The following TMEM237 variants were observed in gnomAD, a reference collection of about 807,000 sequenced individuals.
The protein encoded by TMEM237 is amyotrophic lateral sclerosis 2 (juvenile) chromosome region, candidate 4.
In TMEM237, 51 loss-of-function variants were observed where a neutral mutation model predicts 59.1. The observed-to-expected ratio is 0.86, with a 90% CI of 0.69 to 1.09. The LOEUF (loss-of-function observed/expected upper bound fraction) is 1.09, where lower values mean the gene tolerates loss of function less well. Ranked by LOEUF, TMEM237 falls within the 50% of genes least tolerant of loss-of-function variation. The probability of loss-of-function intolerance (pLI) is 0.00; values close to 1 mark genes in which losing one functional copy is unlikely to be tolerated. For synonymous variants in TMEM237, 140 were observed against 166.1 expected (o/e 0.84, Z 1.21); for missense variants, 475 against 478.3 (o/e 0.99, Z 0.06).
intron 5 of TMEM237, among the ~76,000 whole-genome samples, chr2:201,633,634 T>C (rs1293681254): frequency 6.6e-6 from 1 of 152,106 alleles, no homozygotes; most frequent in Non-Finnish European, 1.5e-5. Context: ...CCAAACAATA[T>C]GGAAAAAAAT....
intron 4 of TMEM237, chr2:201,638,756 G>A (rs537577878): frequency 5.0e-5 from 27 of 539,158 alleles, no homozygotes; most frequent in Middle Eastern, 4.7e-4. Context: ...TAGGAGCTTA[G>A]ATGGCACCAC....
chr2:201,635,393 T>C lies in TMEM237; in HGVS notation c.274+1355A>G, dbSNP rs146044322. On this transcript the variant is annotated intron_variant, in intron 5 of 12. Coordinates refer to ENST00000409883, the MANE Select transcript of TMEM237 (RefSeq NM_001044385.3). The surrounding 1 kb of genome is among the most constrained non-coding windows in gnomAD (Gnocchi z 4.5). ...GGACACAGACACACAAGGAAAAATG[T>C]GAAGATGGAAGCAGAGATTGGCATT... Among the ~76,000 whole-genome samples the C allele has an allele frequency of 7.8e-3, 1,194 of 152,206 alleles. 6 individuals are homozygous for C. The highest frequency in any genetic ancestry group is 0.024 in the Middle Eastern group (7 of 294).
intron 5 of TMEM237, 69 bp from the exon 6 acceptor site, chr2:201,633,500 G>A (rs1687224708): frequency 1.6e-6 from 2 of 1,215,744 alleles, no homozygotes; most frequent in Non-Finnish European, 2.1e-6. Flanking sequence ...TACAAGACTT[G>A]TATAAGAGAA....
At chr2:201,629,124 A>T in intron 9 of TMEM237, 106 bp downstream of exon 9, 2 of 898,390 alleles carry the variant, frequency 2.2e-6, no homozygotes, top group Admixed American at 7.5e-5. Context: ...TTGAAGTAAC[A>T]TTGATACTCT....
intron 5 of TMEM237, chr2:201,636,161 CGCT>C (rs1559588889): frequency 6.6e-6 from 1 of 152,224 alleles, no homozygotes; most frequent in African/African-American, 2.4e-5. Flanking sequence ...TTATAAATAA[CGCT>C]GCAGTTAACA....
chr2:201,621,395 A>G lies in TMEM237; in HGVS notation c.*2860T>C, dbSNP rs987971336. ...CCTGGGCATTTATCTTAAAGAAATG[A>G]AAACTTAATGTTCACACAAAAACTT... is the stretch of plus-strand genomic sequence containing the variant. On this transcript the variant is annotated 3_prime_UTR_variant, in exon 13 of 13. Coordinates refer to ENST00000409883, the MANE Select transcript of TMEM237 (RefSeq NM_001044385.3). 6.6e-6 allele frequency: 1 copy of G among 152,254 alleles called. No homozygotes were observed. The highest frequency in any genetic ancestry group is 2.4e-5 in the African/African-American group (1 of 41,468). The allele number at this position is 152,254 out of a possible 1,614,324, so 9.4% of individuals were successfully genotyped here.
At position 201,629,864 on chromosome 2, in the gene TMEM237, T is replaced by C. The variant is rs1371878075; in HGVS notation, c.554-12A>G. ...AGCCTGGAATCTCCCTAAGAACACA[T>C]AACGTAATTACTAACAACTAGCGAG... On this transcript the variant is annotated splice_polypyrimidine_tract_variant and intron_variant, in intron 7 of 12. Transcript: ENST00000409883. 1.9e-6 allele frequency: 3 copies of C among 1,606,790 alleles called. No homozygotes were observed.
In TMEM237 at chr2:201,638,227, G is replaced by A. The variant is rs1010973620; in HGVS notation, c.136+762C>T. On this transcript the variant is annotated intron_variant, in intron 4 of 12. Transcript: ENST00000409883. ...ATGTATTAAGAAACAAAGATAGTAT[G>A]TATGATTCCTTTTATGTTTTTGTTG... Among the ~76,000 whole-genome samples, 6 of 152,318 alleles carry A rather than the reference G, an allele frequency of 3.9e-5. No individual in the cohort carries two copies. The South Asian group carries it at 1.2e-3, about 32-fold the overall frequency.
At chr2:201,637,901 ATT>A in intron 4 of TMEM237, among the ~76,000 whole-genome samples, 1 of 152,216 alleles carries the variant, frequency 6.6e-6, no homozygotes, top group Non-Finnish European at 1.5e-5. Flanking sequence ...GTTGTTAAGG[ATT>A]TAGAGAATGA....
intron 12 of TMEM237, 27 bp downstream of exon 12, chr2:201,625,999 T>C (rs755985117): frequency 4.5e-6 from 7 of 1,552,568 alleles, no homozygotes; most frequent in Non-Finnish European, 6.1e-6. Context: ...TTCAGGATAT[T>C]CTTATGCTAT....
In TMEM237 at chr2:201,636,769, T is replaced by C. The variant is rs1251099126; in HGVS notation, c.253A>G (p.Lys85Glu). ...HPEAPVQRRQ[K>E]KTRLPLELET... The stretch of plus-strand genomic sequence containing the variant: ...ATACCAAGAGGTAGCCTTGTCTTTT[T>C]CTGTCTTCTTTGAACAGGAGCCTCT... The change falls in exon 5 of 13, where the codon AAA becomes GAA. Residue 85 changes from lysine to glutamate, a missense_variant. Lys to Glu is a moderately conservative substitution (Grantham distance 56). Coordinates refer to ENST00000409883, the MANE Select transcript of TMEM237 (RefSeq NM_001044385.3). 3 of 1,578,558 alleles carry C rather than the reference T, an allele frequency of 1.9e-6. No individual in the cohort carries two copies. The South Asian group carries it at 3.5e-5, about 18-fold the overall frequency.
In TMEM237 at chr2:201,626,719, A is replaced by G. The variant is rs1322391592; in HGVS notation, c.1038-572T>C. On this transcript the variant is annotated intron_variant, in intron 11 of 12. Transcript: ENST00000409883. ...TACTCACTCCCATCACTGTTCTGGGATATGAAACTCCCTGACAGGGGGTAA... is the reference window on the plus strand; with the variant it reads ...TACTCACTCCCATCACTGTTCTGGGGTATGAAACTCCCTGACAGGGGGTAA... 2.6e-5 allele frequency among the ~76,000 whole-genome samples: 4 copies of G among 151,982 alleles called. No individual in the cohort carries two copies. The East Asian group carries it at 7.7e-4, about 29-fold the overall frequency.
chr2:201,624,123 T>C lies in TMEM237; in HGVS notation c.*132A>G, dbSNP rs1453045611. 1.4e-5 allele frequency: 7 copies of C among 517,828 alleles called. No individual in the cohort carries two copies. In the Admixed American group the frequency reaches 1.9e-4, roughly 14 times the overall value. 32.1% of individuals were successfully genotyped at this position (517,828 alleles called of 1,614,324 possible). ...CACAATTTTAACATTTTTCATAATA[T>C]TGAGAGATGTTTCAGTATTATATAA... On this transcript the variant is annotated 3_prime_UTR_variant, in exon 13 of 13. Coordinates refer to ENST00000409883, the MANE Select transcript of TMEM237 (RefSeq NM_001044385.3).
At position 201,637,461 on chromosome 2, in the gene TMEM237, G is replaced by A. The variant is rs374067839; in HGVS notation, c.137-576C>T. 4.6e-5 allele frequency among the ~76,000 whole-genome samples: 7 copies of A among 152,202 alleles called. No individual in the cohort carries two copies. In the East Asian group the frequency reaches 9.6e-4, roughly 21 times the overall value. On this transcript the variant is annotated intron_variant, in intron 4 of 12. Transcript: ENST00000409883. ...CTTCTTCACAAAAGAAATAGAAATT[G>A]CACTGGGTGCAGTGGCTCATGCCTG...
At position 201,635,253 on chromosome 2, in the gene TMEM237, G is replaced by A. The variant is rs941043841; in HGVS notation, c.274+1495C>T. On this transcript the variant is annotated intron_variant, in intron 5 of 12. Coordinates refer to ENST00000409883, the MANE Select transcript of TMEM237 (RefSeq NM_001044385.3). This position sits in a 1 kb window ranked among gnomAD's most constrained non-coding sequence, Gnocchi z 4.5. ...GTCCTAACTCATAATACCTGTGAGT[G>A]TAACCTTATTTGGAAACAAGAGTCT... is the stretch of plus-strand genomic sequence containing the variant. 6.6e-6 allele frequency among the ~76,000 whole-genome samples: 1 copy of A among 152,304 alleles called. No homozygotes were observed. The highest frequency in any genetic ancestry group is 2.1e-4 in the South Asian group (1 of 4,832).
At chr2:201,642,789 A>C in intron 1 of TMEM237, 1 of 1,421,310 alleles carries the variant, frequency 7.0e-7, no homozygotes, top group Non-Finnish European at 9.1e-7. Context: ...AGAGGCGTGC[A>C]GGGACCTGGA....
chr2:201,641,156 T>C (rs1244167004), intron 1 of TMEM237, among the ~76,000 whole-genome samples: 4 of 152,104 alleles, frequency 2.6e-5, no homozygotes, highest in African/African-American at 7.2e-5. Flanking sequence ...CATGCCCGGC[T>C]AATTTTTGTA....
rs1243064130 is a variant in TMEM237, at chr2:201,620,828, C to T, written c.*3427G>A. 1.3e-5 allele frequency: 2 copies of T among 152,194 alleles called. No individual in the cohort carries two copies. The highest frequency in any genetic ancestry group is 6.5e-5 in the Admixed American group (1 of 15,284). The allele number at this position is 152,194 out of a possible 1,614,324, so 9.4% of individuals were successfully genotyped here. Reference sequence around the variant, plus strand: ...GCTCTATTTGTTAGGATTTTTAACACAATGACCAGAACTTGATTTTGACAA... The same window carrying T: ...GCTCTATTTGTTAGGATTTTTAACATAATGACCAGAACTTGATTTTGACAA... On this transcript the variant is annotated 3_prime_UTR_variant, in exon 13 of 13. Coordinates refer to ENST00000409883, the MANE Select transcript of TMEM237 (RefSeq NM_001044385.3).
In TMEM237 at chr2:201,626,216, A is replaced by G. The variant is rs562262700; in HGVS notation, c.1038-69T>C. The G allele has an allele frequency of 1.1e-4, 160 of 1,522,298 alleles. No individual in the cohort carries two copies. In the South Asian group the frequency reaches 1.7e-3, roughly 16 times the overall value. The allele number at this position is 1,522,298 out of a possible 1,614,324, so 94.3% of individuals were successfully genotyped here. ...TCATATACACAAATATATCTATTTT[A>G]TGAACTTTAAGAAAAAACAGCAGTC... On this transcript the variant is annotated intron_variant, in intron 11 of 12. Transcript: ENST00000409883.
Sources: allele counts gnomAD v4.1 joint callset (sites outside exome capture counted in the v4.1 genomes callset), GRCh38; gene constraint gnomAD v4.1.1; non-coding constraint Gnocchi (gnomAD v3.1); transcripts MANE v1.5; gene names NCBI Gene and HGNC (gene_info 2026-07-23, HGNC 2026-07-21).